The following SLX4IP variants were observed in gnomAD, a reference collection of about 807,000 sequenced individuals.
The protein encoded by SLX4IP is SLX4 interacting protein, also known as protein SLX4IP.
Under a neutral mutation model 32.9 loss-of-function variants are expected in SLX4IP, and 34 were observed. The ratio of observed to expected loss-of-function variants is 1.03; its 90% CI spans 0.79 to 1.38. SLX4IP has a LOEUF of 1.38. SLX4IP is among the 40% of genes most tolerant of loss of function. The pLI is 0.00. For synonymous variants in SLX4IP, 172 were observed against 171.7 expected, an observed-to-expected ratio of 1.00 and a Z score of -0.01; for missense variants, 444 against 479.0, an observed-to-expected ratio of 0.93 and a Z score of 0.68.
At chr20:10,466,452 C>G (rs564941660) in intron 2 of SLX4IP, among the ~76,000 whole-genome samples, 1 of 152,148 alleles carries the variant, frequency 6.6e-6, no homozygotes, top group African/African-American at 2.4e-5. Context: ...TCCCTTCCCC[C>G]CCAACCTACT....
At chr20:10,480,755 G>C (rs2065514219) in intron 2 of SLX4IP, among the ~76,000 whole-genome samples, 1 of 152,200 alleles carries the variant, frequency 6.6e-6, no homozygotes, top group South Asian at 2.1e-4. Flanking sequence ...TTAGATACTA[G>C]TGATTGATTT....
At chr20:10,443,514 ACT>A (rs1290480516) in intron 1 of SLX4IP, among the ~76,000 whole-genome samples, 1 of 152,160 alleles carries the variant, frequency 6.6e-6, no homozygotes, top group African/African-American at 2.4e-5. Flanking sequence ...TCAGAGGATA[ACT>A]CAACTCGCTT....
intron 2 of SLX4IP, among the ~76,000 whole-genome samples, chr20:10,473,617 T>C (rs1233969230): frequency 2.6e-5 from 4 of 152,046 alleles, no homozygotes; most frequent in Non-Finnish European, 4.4e-5. Flanking sequence ...TTTTTTTTTT[T>C]TTTGAGACAG....
At position 10,532,455 on chromosome 20, in the gene SLX4IP, C is replaced by T. The variant is rs1215048053; in HGVS notation, c.28-23776C>T. On this transcript the variant is annotated intron_variant, in intron 2 of 7. Transcript: ENST00000334534. ...TGACATGAAGGAGGGAAAGATCCCT[C>T]CTGATGGGAAGGACCTGATTGTAGT... is the stretch of plus-strand genomic sequence containing the variant. 2.6e-5 allele frequency among the ~76,000 whole-genome samples: 4 copies of T among 152,228 alleles called. No homozygotes were observed. In the East Asian group the frequency reaches 7.8e-4, roughly 30 times the overall value.
Position 10,627,110 on chromosome 20 carries a change from C to T in SLX4IP, c.*3731C>T, listed in dbSNP as rs1341515678. The stretch of plus-strand genomic sequence containing the variant: ...TTGAATTCCTTCTTGGCAGACCTTA[C>T]TGTAATATTACACAAAACTGTAATG... On this transcript the variant is annotated 3_prime_UTR_variant, in exon 8 of 8. Coordinates refer to ENST00000334534, the MANE Select transcript of SLX4IP (RefSeq NM_001009608.3). 6.6e-6 allele frequency: 1 copy of T among 152,228 alleles called. No homozygotes were observed. Among genetic ancestry groups the T allele is most frequent in the Non-Finnish European group, 1.5e-5 (1 of 68,040 alleles). The allele number at this position is 152,228 out of a possible 1,614,324, so 9.4% of individuals were successfully genotyped here. A position where few individuals can be genotyped will look rare whatever the true frequency, so the allele number is the denominator to read the frequency against.
rs1014399785 is a variant in SLX4IP, at chr20:10,569,135, T to C, written c.238+8315T>C. On this transcript the variant is annotated intron_variant, in intron 4 of 7. Coordinates refer to ENST00000334534, the MANE Select transcript of SLX4IP (RefSeq NM_001009608.3). ...CGTGTACTGACCCAAATCTGGAGAC[T>C]GGCCAGGTGGCAAGTCAGGTCCCTG... Among the ~76,000 whole-genome samples, 65 of 151,736 alleles carry C rather than the reference T, an allele frequency of 4.3e-4. 2 individuals carry two copies.
chr20:10,604,040 C>T (rs1390036891), intron 6 of SLX4IP, among the ~76,000 whole-genome samples: 1 of 152,240 alleles, frequency 6.6e-6, no homozygotes, highest in Non-Finnish European at 1.5e-5. Context: ...TTCCATACTT[C>T]AAATGCCCAC....
At chr20:10,618,569 A>G (rs369843719) in intron 6 of SLX4IP, among the ~76,000 whole-genome samples, 4 of 152,136 alleles carry the variant, frequency 2.6e-5, no homozygotes, top group African/African-American at 4.8e-5. Flanking sequence ...CTGTTGGTTA[A>G]TCTAATTTTT....
chr20:10,441,239 C>T (rs1199157541), intron 1 of SLX4IP, among the ~76,000 whole-genome samples: 1 of 152,072 alleles, frequency 6.6e-6, no homozygotes, highest in Non-Finnish European at 1.5e-5. Flanking sequence ...ACTTAGAAAA[C>T]AGCCTGGGCA....
intron 6 of SLX4IP, among the ~76,000 whole-genome samples, chr20:10,604,794 G>A (rs1249515332): frequency 2.0e-5 from 3 of 152,230 alleles, no homozygotes; most frequent in African/African-American, 7.2e-5. Context: ...ACTTTGGGAA[G>A]AAAGGACATT....
chr20:10,551,523 C>G (rs1004739597), intron 2 of SLX4IP, among the ~76,000 whole-genome samples: 1 of 152,126 alleles, frequency 6.6e-6, no homozygotes, highest in African/African-American at 2.4e-5. Flanking sequence ...TAAGTATTCA[C>G]TGAGGGCTGG....
intron 2 of SLX4IP, among the ~76,000 whole-genome samples, chr20:10,496,013 G>A (rs1045265080): frequency 6.9e-6 from 1 of 144,954 alleles, no homozygotes; most frequent in Non-Finnish European, 1.5e-5. Context: ...TAGCTGGGTT[G>A]TTTCTTGTTG....
At position 10,622,760 on chromosome 20, in the gene SLX4IP, G is replaced by A. The variant is rs2067126608; in HGVS notation, c.608G>A (p.Arg203Lys). The A allele has an allele frequency of 6.2e-7, 1 of 1,614,190 alleles. No individual in the cohort carries two copies. The highest frequency in any genetic ancestry group is 8.5e-7 in the Non-Finnish European group (1 of 1,180,042). ...SSDSVIAEIA[R>K]RRNDGQASSS... is the part of the protein sequence containing the mutation. ...GACTCAGTGATTGCAGAGATAGCAA[G>A]GAGGAGGAATGATGGTCAGGCTTCC... The change falls in exon 8 of 8, where the codon AGG becomes AAG. Residue 203 changes from arginine to lysine, a missense_variant. Transcript: ENST00000334534.
chr20:10,452,441 G>A (rs981819691), intron 1 of SLX4IP, among the ~76,000 whole-genome samples: 2 of 151,834 alleles, frequency 1.3e-5, no homozygotes, highest in Admixed American at 6.6e-5. Flanking sequence ...CGAGGTGGGC[G>A]GATCACCTGA....
chr20:10,571,718 C>T (rs1295992022), intron 4 of SLX4IP, among the ~76,000 whole-genome samples: 1 of 152,160 alleles, frequency 6.6e-6, no homozygotes, highest in Admixed American at 6.5e-5. Flanking sequence ...CAGAGCCTGT[C>T]AGAGCACAAG....
intron 1 of SLX4IP, among the ~76,000 whole-genome samples, chr20:10,435,939 C>G (rs2065108436): frequency 1.3e-5 from 2 of 152,188 alleles, no homozygotes; most frequent in Admixed American, 1.3e-4. Context: ...CATTTTATCA[C>G]CTTGACATCT....
intron 2 of SLX4IP, among the ~76,000 whole-genome samples, chr20:10,477,269 C>T (rs984359287): frequency 6.6e-6 from 1 of 152,120 alleles, no homozygotes; most frequent in African/African-American, 2.4e-5. Flanking sequence ...GCCTCAGCCT[C>T]CTGAGTAGCT....
At chr20:10,613,997 C>T (rs868563374) in intron 6 of SLX4IP, 23 of 1,255,126 alleles carry the variant, frequency 1.8e-5, no homozygotes, top group African/African-American at 1.3e-4. Flanking sequence ...ACACTGCTCT[C>T]TGTTCTCTGT....
At chr20:10,489,489 C>T (rs2065602138) in intron 2 of SLX4IP, among the ~76,000 whole-genome samples, 2 of 152,004 alleles carry the variant, frequency 1.3e-5, no homozygotes, top group Non-Finnish European at 2.9e-5. Context: ...TTAAACTTGC[C>T]ATTTGACTCA....
Sources: gnomAD v4.1 joint callset for allele counts (sites outside exome capture counted in the v4.1 genomes callset) on GRCh38, gnomAD v4.1.1 for gene constraint, MANE v1.5 for transcripts, NCBI Gene and HGNC (gene_info 2026-07-23, HGNC 2026-07-21) for gene names.